The following PTPRD variants were observed in gnomAD, a reference collection of about 807,000 sequenced individuals.
PTPRD encodes the protein protein tyrosine phosphatase receptor type D.
Under a neutral mutation model 214.5 loss-of-function variants are expected in PTPRD, and 34 were observed. That is an observed-to-expected ratio of 0.16 (90% CI 0.12 to 0.21). The LOEUF (loss-of-function observed/expected upper bound fraction) is 0.21. Ranked by LOEUF, PTPRD falls within the 10% of genes least tolerant of loss-of-function variation. The pLI, the probability that PTPRD is intolerant of heterozygous loss-of-function variation, is 1.00. For missense variants in PTPRD, 2,545 were observed against 2,398.7 expected (o/e 1.06, Z -1.27); for synonymous variants, 1,128 against 845.7 (o/e 1.33, Z -5.79).
intron 4 of PTPRD, among the ~76,000 whole-genome samples, chr9:9,998,543 T>C (rs1353475219): frequency 1.5e-5 from 2 of 131,822 alleles, no homozygotes; most frequent in Non-Finnish European, 3.2e-5. Context: ...GACATTATCA[T>C]GATAGCTCTA....
chr9:10,040,884 C>A (rs2097285167), intron 3 of PTPRD, among the ~76,000 whole-genome samples: 1 of 151,984 alleles, frequency 6.6e-6, no homozygotes, highest in African/African-American at 2.4e-5. Context: ...AGATAATCTG[C>A]TTAAGAGCTA....
At chr9:10,258,821 C>G (rs187938532) in intron 3 of PTPRD, among the ~76,000 whole-genome samples, 4 of 152,248 alleles carry the variant, frequency 2.6e-5, no homozygotes, top group Admixed American at 2.6e-4. Context: ...GGGGAAACAA[C>G]TGAATACACT....
At chr9:8,592,965 G>T (rs996779282) in intron 14 of PTPRD, among the ~76,000 whole-genome samples, 8 of 152,172 alleles carry the variant, frequency 5.3e-5, no homozygotes, top group Non-Finnish European at 8.8e-5. Flanking sequence ...ATTTCCAACA[G>T]ACATAAATAA....
At chr9:10,050,218 G>A (rs979680586) in intron 3 of PTPRD, among the ~76,000 whole-genome samples, 2 of 151,956 alleles carry the variant, frequency 1.3e-5, no homozygotes, top group Middle Eastern at 3.4e-3. Context: ...GGGGCAGTAG[G>A]TGGGGATGTG....
chr9:9,414,605 C>T (rs2076468727), intron 8 of PTPRD: 1 of 152,184 alleles, frequency 6.6e-6, no homozygotes, highest in African/African-American at 2.4e-5. Context: ...AACCCATCTT[C>T]ATCATCTCTT....
chr9:10,096,480 TGA>T (rs2098485895), intron 3 of PTPRD, among the ~76,000 whole-genome samples: 1 of 152,040 alleles, frequency 6.6e-6, no homozygotes, highest in Admixed American at 6.6e-5. Context: ...TGCATTTCTC[TGA>T]TGGCCAGTGA....
chr9:10,296,148 T>G (rs1380373265), intron 3 of PTPRD, among the ~76,000 whole-genome samples: 1 of 152,094 alleles, frequency 6.6e-6, no homozygotes, highest in East Asian at 1.9e-4. Context: ...AATTTAATAT[T>G]AGATAAAGTA....
Position 9,832,585 on chromosome 9 carries a change from G to C in PTPRD, c.-367-65734C>G, listed in dbSNP as rs542495515. Among the ~76,000 whole-genome samples the C allele has an allele frequency of 9.2e-5, 14 of 151,960 alleles. No individual in the cohort carries two copies. The South Asian group carries it at 2.9e-3, about 32-fold the overall frequency. ...TTGGTTACCTCATTCATACTTCTAG[G>C]GTAATTTAGGTTTGGGGGTCTGTGA... On this transcript the variant is annotated intron_variant, in intron 5 of 45. Coordinates refer to ENST00000381196, the MANE Select transcript of PTPRD (RefSeq NM_002839.4).
chr9:9,970,425 T>C (rs2095019757), intron 4 of PTPRD, among the ~76,000 whole-genome samples: 2 of 120,288 alleles, frequency 1.7e-5, no homozygotes, highest in African/African-American at 7.2e-5. Context: ...GCGAGACTCC[T>C]TCTCAAAAAA....
At chr9:9,375,052 A>G (rs1215219576) in intron 9 of PTPRD, among the ~76,000 whole-genome samples, 1 of 152,156 alleles carries the variant, frequency 6.6e-6, no homozygotes, top group Non-Finnish European at 1.5e-5. Flanking sequence ...CAGATTAAAC[A>G]TAGGTCTATA....
rs540076222 is a variant in PTPRD at position 10,482,388 on chromosome 9, ATAAG to A, written c.-600+130006_-600+130009del. 1.6e-4 allele frequency among the ~76,000 whole-genome samples: 25 copies of A among 151,926 alleles called. No individual in the cohort carries two copies. In the South Asian group the frequency reaches 4.8e-3, roughly 29 times the overall value. On this transcript the variant is annotated intron_variant, in intron 2 of 45. Transcript: ENST00000381196. ...TCCGTTTCAATAAATAAATAAATAA[ATAAG>A]TAAATAAATAAATCAATCAATAATA... is the stretch of plus-strand genomic sequence containing the variant.
intron 5 of PTPRD, among the ~76,000 whole-genome samples, chr9:9,917,547 CA>C (rs574956994): frequency 6.7e-6 from 1 of 150,174 alleles, no homozygotes; most frequent in African/African-American, 2.4e-5. Flanking sequence ...CAAGCTATTC[CA>C]AAAAAATGAA....
intron 7 of PTPRD, among the ~76,000 whole-genome samples, chr9:9,684,082 C>T (rs1305515018): frequency 2.6e-5 from 4 of 151,342 alleles, no homozygotes; most frequent in Admixed American, 6.6e-5. Context: ...GCCAGATACT[C>T]GAATCATTTT....
intron 6 of PTPRD, among the ~76,000 whole-genome samples, chr9:9,745,337 CTT>C (rs1017601646): frequency 6.6e-6 from 1 of 152,002 alleles, no homozygotes; most frequent in Non-Finnish European, 1.5e-5. Context: ...ATTCTGACTA[CTT>C]TTTTTGTTAA....
chr9:8,613,103 T>G (rs1432591671), intron 14 of PTPRD, among the ~76,000 whole-genome samples: 1 of 152,178 alleles, frequency 6.6e-6, no homozygotes, highest in African/African-American at 2.4e-5. Flanking sequence ...TTACTTATAT[T>G]TGGTGTGCGT....
At chr9:8,704,113 G>C (rs1320536934) in intron 12 of PTPRD, among the ~76,000 whole-genome samples, 2 of 152,114 alleles carry the variant, frequency 1.3e-5, no homozygotes, top group East Asian at 3.9e-4. Context: ...CACCATAAGA[G>C]TAGGGGCCAG....
intron 37 of PTPRD, among the ~76,000 whole-genome samples, 193 bp from the exon 38 acceptor site, chr9:8,376,919 C>T (rs902309303): frequency 3.9e-5 from 6 of 152,098 alleles, no homozygotes; most frequent in African/African-American, 1.4e-4. Context: ...ATTTTTCAAA[C>T]TGGTAGGAAT....
chr9:10,342,995 T>C (rs991671289), intron 2 of PTPRD, among the ~76,000 whole-genome samples: 16 of 152,200 alleles, frequency 1.1e-4, no homozygotes, highest in African/African-American at 3.9e-4. Flanking sequence ...TTATTTTTTA[T>C]ACTTTAAGTT....
chr9:8,365,560 C>T (rs1482145205), intron 39 of PTPRD, among the ~76,000 whole-genome samples: 1 of 152,054 alleles, frequency 6.6e-6, no homozygotes, highest in Non-Finnish European at 1.5e-5. Flanking sequence ...GGCTGATGAG[C>T]ATGGAGAGCA....
Sources: gnomAD v4.1 joint callset for allele counts (sites outside exome capture counted in the v4.1 genomes callset) on GRCh38, gnomAD v4.1.1 for gene constraint, MANE v1.5 for transcripts, NCBI Gene and HGNC (gene_info 2026-07-23, HGNC 2026-07-21) for gene names.